Variants in PTPN3 observed in about 807,000 individuals in gnomAD.
PTPN3 encodes the protein protein tyrosine phosphatase non-receptor type 3, also known as tyrosine-protein phosphatase non-receptor type 3.
In PTPN3, 96 loss-of-function variants were observed where a neutral mutation model predicts 132.7. The ratio of observed to expected loss-of-function variants is 0.72; its 90% CI spans 0.61 to 0.86. The LOEUF (loss-of-function observed/expected upper bound fraction) is 0.86. Ranked by LOEUF, PTPN3 falls within the 40% of genes least tolerant of loss-of-function variation. The pLI is 0.00. For missense variants in PTPN3, 1,125 were observed against 1,159.6 expected, an observed-to-expected ratio of 0.97 and a Z score of 0.43; for synonymous variants, 398 against 429.0, an observed-to-expected ratio of 0.93 and a Z score of 0.89.
intron 1 of PTPN3, among the ~76,000 whole-genome samples, chr9:109,474,250 G>A (rs1412699393): frequency 6.6e-6 from 1 of 152,150 alleles, no homozygotes; most frequent in Admixed American, 6.5e-5. Context: ...CCCCAGACAA[G>A]CTGTCCCCAC....
chr9:109,422,561 C>T (rs1054527892), intron 13 of PTPN3, among the ~76,000 whole-genome samples, 157 bp downstream of exon 13: 48 of 152,104 alleles, frequency 3.2e-4, no homozygotes, highest in African/African-American at 1.2e-3. Context: ...TTTAGCTAGA[C>T]TTGTGTACTT....
At chr9:109,474,596 C>T (rs1846548309) in intron 1 of PTPN3, among the ~76,000 whole-genome samples, 1 of 152,092 alleles carries the variant, frequency 6.6e-6, no homozygotes. Flanking sequence ...GCATTCCAGA[C>T]ACTGCAAAAC....
At chr9:109,453,084 C>A (rs1845359225) in intron 5 of PTPN3, among the ~76,000 whole-genome samples, 1 of 152,140 alleles carries the variant, frequency 6.6e-6, no homozygotes, top group Admixed American at 6.5e-5. Context: ...TGTGTCATAC[C>A]AGACACCTTG....
Position 109,381,667 on chromosome 9 carries a change from C to A in PTPN3, c.2649G>T (p.Met883Ile). Residue 883 changes from methionine (M) to isoleucine (I), a missense_variant, in exon 25 of 26, where the codon ATG becomes ATT. Coordinates refer to ENST00000374541, the MANE Select transcript of PTPN3 (RefSeq NM_002829.4). ...TTCTACTCACTGATGTCTGCACCATCATGGCGCGCTGGTCTCGCATTTTTC... is the reference window on the plus strand; with the variant it reads ...TTCTACTCACTGATGTCTGCACCATAATGGCGCGCTGGTCTCGCATTTTTC... ...IVRKMRDQRA[M>I]MVQTSSQYKF... The A allele has an allele frequency of 6.2e-7, 1 of 1,614,258 alleles. No homozygotes were observed. Among genetic ancestry groups the A allele is most frequent in the Non-Finnish European group, 8.5e-7 (1 of 1,180,048 alleles).
rs377168790 is a variant in PTPN3, at chr9:109,491,199, C to CA, written c.-18+7019dup. Among the ~76,000 whole-genome samples, 245 of 118,150 alleles carry CA rather than the reference C, an allele frequency of 2.1e-3. 1 individual carries two copies. Among genetic ancestry groups the CA allele is most frequent in the Middle Eastern group, 9.7e-3 (2 of 206 alleles). 77.5% of individuals were successfully genotyped at this position (118,150 alleles called of 152,430 possible). A position where few individuals can be genotyped will look rare whatever the true frequency, so the allele number is the denominator to read the frequency against. On this transcript the variant is annotated intron_variant, in intron 1 of 25. Transcript: ENST00000374541. Reference sequence around the variant, plus strand: ...TGGCAGAGTGAGGGACACTCTCTCTCAAAAAAAAAAAAAAAAGTATATAAA... The same window carrying CA: ...TGGCAGAGTGAGGGACACTCTCTCTCAAAAAAAAAAAAAAAAAGTATATAAA...
At chr9:109,437,016 G>A (rs1171593905) in intron 8 of PTPN3, 46 bp from the exon 9 acceptor site, 1 of 1,609,334 alleles carries the variant, frequency 6.2e-7, no homozygotes, top group African/African-American at 1.3e-5. Context: ...ATAAAGAGAG[G>A]GCATTAACTC....
the PTPN3 span, among the ~76,000 whole-genome samples, chr9:109,520,029 G>A: frequency 6.6e-6 from 1 of 152,034 alleles, no homozygotes; most frequent in African/African-American, 2.4e-5. Flanking sequence ...CGTGGTGGTG[G>A]GTGCCTGTAG....
intron 9 of PTPN3, among the ~76,000 whole-genome samples, chr9:109,434,332 G>A (rs562363721): frequency 3.6e-4 from 50 of 139,172 alleles, no homozygotes; most frequent in African/African-American, 1.3e-3. Context: ...TTGTAGAGAT[G>A]GGGTCACACT....
chr9:109,449,354 A>C, intron 5 of PTPN3: 3 of 986,764 alleles, frequency 3.0e-6, no homozygotes, highest in Non-Finnish European at 3.6e-6. Flanking sequence ...GCTGGGGTAC[A>C]AACCCCCAGG....
At position 109,454,498 on chromosome 9, in the gene PTPN3, G is replaced by A; in HGVS notation, c.366C>T (p.Thr122=). 1.2e-6 allele frequency: 2 copies of A among 1,611,392 alleles called. No homozygotes were observed. The highest frequency in any genetic ancestry group is 2.2e-5 in the East Asian group (1 of 44,874). Residue 122 remains threonine (T), a splice_region_variant and synonymous_variant, in exon 5 of 26, where the codon ACC becomes ACT. Coordinates refer to ENST00000374541, the MANE Select transcript of PTPN3 (RefSeq NM_002829.4). ...PDPNTLQQEQ[T]RHLYFLQLKM... ...AAACTTTAAAAAAATGTTGTTACCT[G>A]GTTTGTTCTTGCTGCAGTGTGTTGG...
intron 5 of PTPN3, among the ~76,000 whole-genome samples, chr9:109,452,827 C>T (rs1009364056): frequency 6.6e-6 from 1 of 152,300 alleles, no homozygotes; most frequent in African/African-American, 2.4e-5. Context: ...TCCTGAAGTG[C>T]TGGGAAGCTC....
At chr9:109,491,266 T>C (rs1847450332) in intron 1 of PTPN3, among the ~76,000 whole-genome samples, 1 of 152,098 alleles carries the variant, frequency 6.6e-6, no homozygotes, top group Non-Finnish European at 1.5e-5. Context: ...TCACTATTAA[T>C]TTATTGATTC....
chr9:109,431,567 G>A (rs1225891064), intron 10 of PTPN3, among the ~76,000 whole-genome samples: 1 of 152,190 alleles, frequency 6.6e-6, no homozygotes, highest in Non-Finnish European at 1.5e-5. Flanking sequence ...TAAAAGAGAT[G>A]AGGTGAATGA....
chr9:109,508,362 G>A, the PTPN3 span, among the ~76,000 whole-genome samples: 9 of 152,024 alleles, frequency 5.9e-5, no homozygotes, highest in Admixed American at 4.6e-4. Flanking sequence ...GGGTTTCACC[G>A]TGTTAGCCAG....
chr9:109,528,804 T>G, the PTPN3 span, among the ~76,000 whole-genome samples: 1 of 151,832 alleles, frequency 6.6e-6, no homozygotes. Flanking sequence ...TTCTTCCTTG[T>G]GTGTGTGTGT....
intron 19 of PTPN3, among the ~76,000 whole-genome samples, chr9:109,402,598 C>T (rs1477050679): frequency 6.6e-6 from 1 of 151,852 alleles, no homozygotes; most frequent in East Asian, 1.9e-4. Flanking sequence ...TTCTTTTTAA[C>T]CAAAAGTGTG....
At position 109,451,402 on chromosome 9, in the gene PTPN3, G is replaced by C. The variant is rs1845239172; in HGVS notation, c.369-2547C>G. The C allele has an allele frequency of 6.3e-6, 6 of 959,718 alleles. No homozygotes were observed. In the African/African-American group the frequency reaches 1.1e-4, roughly 17 times the overall value. The allele number at this position is 959,718 out of a possible 1,614,324, so 59.5% of individuals were successfully genotyped here. A position where few individuals can be genotyped will look rare whatever the true frequency, so the allele number is the denominator to read the frequency against. On this transcript the variant is annotated intron_variant, in intron 5 of 25. Coordinates refer to ENST00000374541, the MANE Select transcript of PTPN3 (RefSeq NM_002829.4). ...CACCCTTCTTAAGATGGAAGGTGGG[G>C]GTGGGGTGTCAGTTGTCAACCAGTG... is the stretch of plus-strand genomic sequence containing the variant.
intron 23 of PTPN3, among the ~76,000 whole-genome samples, chr9:109,383,027 T>C (rs1389165792): frequency 6.6e-6 from 1 of 152,224 alleles, no homozygotes; most frequent in Non-Finnish European, 1.5e-5. Flanking sequence ...TGGACGACTC[T>C]AGGCACTTCA....
intron 6 of PTPN3, among the ~76,000 whole-genome samples, chr9:109,446,355 T>C (rs1483460270): frequency 6.6e-6 from 1 of 152,240 alleles, no homozygotes; most frequent in African/African-American, 2.4e-5. Flanking sequence ...TTCCGCTTCC[T>C]GTCCACTGCA....
Sources: gnomAD v4.1 joint callset for allele counts (sites outside exome capture counted in the v4.1 genomes callset) on GRCh38, gnomAD v4.1.1 for gene constraint, MANE v1.5 for transcripts, NCBI Gene and HGNC (gene_info 2026-07-23, HGNC 2026-07-21) for gene names.